Variants in EHMT1 observed in about 807,000 individuals in gnomAD.
The protein encoded by EHMT1 is euchromatic histone lysine methyltransferase 1.
In EHMT1, 15 loss-of-function variants were observed where a neutral mutation model predicts 147.2. The ratio of observed to expected loss-of-function variants is 0.10; its 90% CI spans 0.07 to 0.16. The LOEUF is 0.16. Ranked by LOEUF, EHMT1 falls within the 10% of genes least tolerant of loss-of-function variation. The pLI, the probability that EHMT1 is intolerant of heterozygous loss-of-function variation, is 1.00. For synonymous variants in EHMT1, 795 were observed against 709.6 expected, an observed-to-expected ratio of 1.12 and a Z score of -1.91; for missense variants, 1,587 against 1,772.4, an observed-to-expected ratio of 0.90 and a Z score of 1.88.
At chr9:137,698,985 C>T (rs1203051306) in intron 1 of EHMT1, among the ~76,000 whole-genome samples, 1 of 150,700 alleles carries the variant, frequency 6.6e-6, no homozygotes, top group East Asian at 1.9e-4. Context: ...GGGCAGGAGG[C>T]CACGCACTGG....
At chr9:137,712,532 G>T (rs774655216) in intron 2 of EHMT1, among the ~76,000 whole-genome samples, 1 of 152,152 alleles carries the variant, frequency 6.6e-6, no homozygotes, top group African/African-American at 2.4e-5. Flanking sequence ...TTTTCCTGAC[G>T]GCCAGTGATG....
At chr9:137,721,350 C>T (rs1240892398) in intron 3 of EHMT1, among the ~76,000 whole-genome samples, 2 of 46 alleles carry the variant, frequency 0.043, no homozygotes, top group Non-Finnish European at 0.12. Context: ...ACACTCACCC[C>T]CTCCCCTCTC....
rs1164812479 is a variant in EHMT1 at position 137,716,965 on chromosome 9, C to T, written c.425C>T (p.Thr142Ile). ...GCACAGCCCTTGAGGACTACCAGCACTCTGGCCTCTTCGCTGCCTGGCCAT... is the reference window on the plus strand; with the variant it reads ...GCACAGCCCTTGAGGACTACCAGCATTCTGGCCTCTTCGCTGCCTGGCCAT... ...LQAQPLRTTS[T>I]LASSLPGHAA... Residue 142 changes from threonine (T) to isoleucine (I), a missense_variant, in exon 3 of 27, where the codon ACT (threonine) becomes ATT (isoleucine). Coordinates refer to ENST00000460843, the MANE Select transcript of EHMT1 (RefSeq NM_024757.5). The T allele has an allele frequency of 6.2e-6, 10 of 1,611,742 alleles. No individual in the cohort carries two copies. The highest frequency in any genetic ancestry group is 8.5e-6 in the Non-Finnish European group (10 of 1,178,916).
intron 1 of EHMT1, among the ~76,000 whole-genome samples, chr9:137,655,339 A>G (rs780343942): frequency 5.3e-5 from 8 of 152,142 alleles, no homozygotes; most frequent in Non-Finnish European, 1.2e-4. Flanking sequence ...CAGGCACTAC[A>G]CTGGCAACCT....
chr9:137,710,298 C>T (rs1248002014), intron 1 of EHMT1, among the ~76,000 whole-genome samples: 1 of 152,148 alleles, frequency 6.6e-6, no homozygotes, highest in African/African-American at 2.4e-5. Flanking sequence ...ATGGCGAAAC[C>T]CCCATCTCTA....
At chr9:137,721,850 A>G (rs1946090234) in intron 3 of EHMT1, among the ~76,000 whole-genome samples, 1 of 152,140 alleles carries the variant, frequency 6.6e-6, no homozygotes, top group South Asian at 2.1e-4. Flanking sequence ...TCTTTCTCTC[A>G]AAAGGTCTTT....
At chr9:137,677,108 C>T (rs966887268) in intron 1 of EHMT1, among the ~76,000 whole-genome samples, 3 of 151,940 alleles carry the variant, frequency 2.0e-5, no homozygotes, top group African/African-American at 4.8e-5. Context: ...GGATCACGGA[C>T]ATGAGTTGTC....
rs781470751 is a variant in EHMT1 at position 137,710,982 on chromosome 9, G to A, written c.37G>A (p.Gly13Arg). 2.5e-6 allele frequency: 4 copies of A among 1,598,828 alleles called. No homozygotes were observed. Among genetic ancestry groups the A allele is most frequent in the Admixed American group, 1.7e-5 (1 of 57,956 alleles). Residue 13 changes from glycine to arginine, a missense_variant, in exon 2 of 27, where the codon GGG (glycine) becomes AGG (arginine). Coordinates refer to ENST00000460843, the MANE Select transcript of EHMT1 (RefSeq NM_024757.5). ...AADAEAVPAR[G>R]EPQQDCCVKT... is the part of the protein sequence containing the mutation. ...TCTCTAACAGGCAGTTCCGGCGAGGGGGGAGCCTCAGCAGGATTGCTGTGT... is the reference window on the plus strand; with the variant it reads ...TCTCTAACAGGCAGTTCCGGCGAGGAGGGAGCCTCAGCAGGATTGCTGTGT...
intron 10 of EHMT1, among the ~76,000 whole-genome samples, chr9:137,765,086 G>A (rs532894093): frequency 2.0e-5 from 3 of 152,372 alleles, no homozygotes; most frequent in Admixed American, 6.5e-5. Context: ...CTGTCCGCCC[G>A]AAGGCGGTAT....
chr9:137,788,116 G>A, intron 15 of EHMT1: 1 of 1,296,642 alleles, frequency 7.7e-7, no homozygotes, highest in Non-Finnish European at 1.0e-6. Context: ...GGCCACAGAG[G>A]CCTCTCAGAG....
chr9:137,825,225 A>AC (rs1216128929), intron 25 of EHMT1, among the ~76,000 whole-genome samples: 1 of 152,158 alleles, frequency 6.6e-6, no homozygotes, highest in Non-Finnish European at 1.5e-5. Flanking sequence ...GGCCAGAAGC[A>AC]AGTCACGCTC....
intron 1 of EHMT1, among the ~76,000 whole-genome samples, chr9:137,672,921 G>T (rs766316419): frequency 2.0e-5 from 3 of 152,184 alleles, no homozygotes; most frequent in Non-Finnish European, 2.9e-5. Context: ...CGATTGCAGA[G>T]AATTTATTAA....
intron 22 of EHMT1, 80 bp from the exon 23 acceptor site, chr9:137,815,867 C>T: frequency 8.2e-7 from 1 of 1,221,122 alleles, no homozygotes. Flanking sequence ...ACACTGGGCA[C>T]TTAGTAGAAA....
At chr9:137,651,230 C>T (rs948157968) in intron 1 of EHMT1, among the ~76,000 whole-genome samples, 2 of 152,126 alleles carry the variant, frequency 1.3e-5, no homozygotes, top group Non-Finnish European at 2.9e-5. Context: ...TTGATAGTAT[C>T]CTTTGAAGCA....
intron 12 of EHMT1, 101 bp from the exon 13 acceptor site, chr9:137,777,781 C>T (rs893270699): frequency 2.6e-5 from 40 of 1,521,152 alleles, no homozygotes; most frequent in Non-Finnish European, 3.4e-5. Context: ...GTAAGCAAAT[C>T]CGCAGCTCTC....
intron 2 of EHMT1, among the ~76,000 whole-genome samples, chr9:137,712,481 G>T (rs1014952434): frequency 3.3e-5 from 5 of 152,170 alleles, no homozygotes; most frequent in African/African-American, 1.2e-4. Flanking sequence ...TGGCTGTCCT[G>T]GCGGGTGGGA....
At chr9:137,805,404 A>C (rs1953864157) in intron 18 of EHMT1, among the ~76,000 whole-genome samples, 1 of 152,142 alleles carries the variant, frequency 6.6e-6, no homozygotes, top group South Asian at 2.1e-4. Context: ...CACATGTCAG[A>C]GTCAGTTGTC....
At chr9:137,797,105 A>T (rs1334678195) in intron 16 of EHMT1, among the ~76,000 whole-genome samples, 1 of 152,148 alleles carries the variant, frequency 6.6e-6, no homozygotes, top group Non-Finnish European at 1.5e-5. Flanking sequence ...CAGGATAGTG[A>T]TAACTTCTCG....
intron 14 of EHMT1, among the ~76,000 whole-genome samples, chr9:137,781,221 CTGGGACGTGTGGTGA>C (rs1951488336): frequency 1.1e-4 from 11 of 101,896 alleles, no homozygotes; most frequent in South Asian, 2.9e-4. Flanking sequence ...GGTGACGACG[CTGGGACGTGTGGTGA>C]CGACGCTGGG....
Sources: allele counts gnomAD v4.1 joint callset (sites outside exome capture counted in the v4.1 genomes callset), GRCh38; gene constraint gnomAD v4.1.1; transcripts MANE v1.5; gene names NCBI Gene and HGNC (gene_info 2026-07-23, HGNC 2026-07-21).